Variants in INHBA observed in about 807,000 individuals in gnomAD.
INHBA encodes the protein inhibin beta A chain.
INHBA carries 1 observed loss-of-function variant against 29.0 expected under a neutral mutation model. The ratio of observed to expected loss-of-function variants is 0.03; its 90% CI spans 0.01 to 0.16. The LOEUF (loss-of-function observed/expected upper bound fraction) is 0.16. Among genes scored for constraint, INHBA ranks in the 10% least tolerant of loss-of-function variants. The pLI is 1.00. For missense variants in INHBA, 376 were observed against 545.4 expected (o/e 0.69, Z 3.09); for synonymous variants, 242 against 216.8 (o/e 1.12, Z -1.02).
upstream of INHBA, chr7:41,705,399 A>AT (rs1413417987): frequency 1.3e-5 from 2 of 152,148 alleles, no homozygotes; most frequent in Admixed American, 6.5e-5. Context: ...GGCAGCCTCT[A>AT]TTTTTACCCT....
At chr7:41,704,104 A>G (rs544793269), upstream of INHBA, among the ~76,000 whole-genome samples, 2 of 152,348 alleles carry the variant, frequency 1.3e-5, no homozygotes, top group East Asian at 3.9e-4. Flanking sequence ...AATGAGAGCC[A>G]TATGACCAGA....
chr7:41,686,773 A>G lies in INHBA; in HGVS notation c.*2877T>C, dbSNP rs1458797760. 1 of 152,186 alleles carries G rather than the reference A, an allele frequency of 6.6e-6. No individual in the cohort carries two copies. Among genetic ancestry groups the G allele is most frequent in the African/African-American group, 2.4e-5 (1 of 41,440 alleles). 9.4% of individuals were successfully genotyped at this position (152,186 alleles called of 1,614,324 possible). ...CCGATATGTCTAGGACTTAGCTTAA[A>G]AAGATAGCAGATGTATTTGAGATGA... On this transcript the variant is annotated 3_prime_UTR_variant, in exon 3 of 3. Coordinates refer to ENST00000242208, the MANE Select transcript of INHBA (RefSeq NM_002192.4).
chr7:41,694,573 C>T lies in INHBA; in HGVS notation c.389-4031G>A, dbSNP rs533803358. Among the ~76,000 whole-genome samples the T allele has an allele frequency of 1.6e-4, 25 of 152,290 alleles. 1 individual carries two copies. The highest frequency in any genetic ancestry group is 5.1e-4 in the African/African-American group (21 of 41,564). ...TGCGACCTAGGTTCCTGCACTATTA[C>T]CTAGCTAACCAGATATAGCTGGTTG... On this transcript the variant is annotated intron_variant, in intron 2 of 2. Coordinates refer to ENST00000242208, the MANE Select transcript of INHBA (RefSeq NM_002192.4).
chr7:41,700,364 A>T lies in INHBA; in HGVS notation c.11T>A (p.Leu4His). 1 of 1,471,412 alleles carries T rather than the reference A, an allele frequency of 6.8e-7. No individual in the cohort carries two copies. Among genetic ancestry groups the T allele is most frequent in the Admixed American group, 2.3e-5 (1 of 44,136 alleles). The allele number at this position is 1,471,412 out of a possible 1,614,324, so 91.1% of individuals were successfully genotyped here. Residue 4 changes from leucine (L) to histidine (H), a missense_variant, in exon 2 of 3, where the codon CTT (leucine) becomes CAT (histidine). Leu to His is a moderately conservative substitution (Grantham distance 99). Around this residue, in one of 4 missense-constraint regions of INHBA, gnomAD observed 71 missense variants for 77.0 expected, o/e 0.92. Transcript: ENST00000242208. ...TGCCAACAGAAATCCTCTCAGCCAA[A>T]GCAAGGGCATCCTGGCAGCAAAAGT... MPL[L>H]WLRGFLLASC... is the part of the protein sequence containing the mutation.
intron 2 of INHBA, among the ~76,000 whole-genome samples, chr7:41,697,029 G>C (rs1372400210): frequency 6.6e-6 from 1 of 152,060 alleles, no homozygotes; most frequent in African/African-American, 2.4e-5. Flanking sequence ...AGACTTAGAG[G>C]TACATTATTA....
chr7:41,692,719 C>A (rs1277527372), intron 2 of INHBA, among the ~76,000 whole-genome samples: 1 of 152,110 alleles, frequency 6.6e-6, no homozygotes, highest in East Asian at 1.9e-4. Flanking sequence ...GCAGAGAGAG[C>A]AGTTAGAGGG....
chr7:41,686,873 T>C lies in INHBA; in HGVS notation c.*2777A>G, dbSNP rs1794403722. On this transcript the variant is annotated 3_prime_UTR_variant, in exon 3 of 3. Transcript: ENST00000242208. ...CCATGGCCTTGACCATCTTTGCTAC[T>C]GCGCAGTGAACCAGGACTTAATTTC... 1 of 152,232 alleles carries C rather than the reference T, an allele frequency of 6.6e-6. No homozygotes were observed. Among genetic ancestry groups the C allele is most frequent in the South Asian group, 2.1e-4 (1 of 4,836 alleles). 9.4% of individuals were successfully genotyped at this position (152,232 alleles called of 1,614,324 possible).
rs1794409173 is a variant in INHBA at position 41,687,229 on chromosome 7, A to T, written c.*2421T>A. On this transcript the variant is annotated 3_prime_UTR_variant, in exon 3 of 3. Coordinates refer to ENST00000242208, the MANE Select transcript of INHBA (RefSeq NM_002192.4). ...CTTAGTATATTTTTCAAGGAGAGCT[A>T]AACCACCTTTTGTAATGTTTGGTTT... is the stretch of plus-strand genomic sequence containing the variant. 1.3e-5 allele frequency: 2 copies of T among 152,232 alleles called. No individual in the cohort carries two copies. The highest frequency in any genetic ancestry group is 1.5e-5 in the Non-Finnish European group (1 of 68,034). The allele number at this position is 152,232 out of a possible 1,614,324, so 9.4% of individuals were successfully genotyped here.
chr7:41,697,621 C>A (rs1201697558), intron 2 of INHBA, among the ~76,000 whole-genome samples: 2 of 152,224 alleles, frequency 1.3e-5, no homozygotes, highest in Non-Finnish European at 1.5e-5. Context: ...TTCTATGCTG[C>A]ACAAAATGGT....
At position 41,689,318 on chromosome 7, in the gene INHBA, A is replaced by AG. The variant is rs1016627820; in HGVS notation, c.*331dup. The AG allele has an allele frequency of 3.4e-4, 95 of 280,908 alleles. No individual in the cohort carries two copies. The East Asian group carries it at 4.8e-3, about 14-fold the overall frequency. The allele number at this position is 280,908 out of a possible 1,614,324, so 17.4% of individuals were successfully genotyped here. A position where few individuals can be genotyped will look rare whatever the true frequency, so the allele number is the denominator to read the frequency against. On this transcript the variant is annotated 3_prime_UTR_variant, in exon 3 of 3. Coordinates refer to ENST00000242208, the MANE Select transcript of INHBA (RefSeq NM_002192.4). ...ATTCAAGGCTCACAAGGGAACCTCA[A>AG]GGGGGGAAAGGACAATACCCCGTTT...
chr7:41,703,789 AC>A (rs1262774608), upstream of INHBA, among the ~76,000 whole-genome samples: 2 of 150,650 alleles, frequency 1.3e-5, no homozygotes, highest in African/African-American at 4.9e-5. Context: ...ACACACACAC[AC>A]ACAACAACAA....
chr7:41,694,105 CTAT>C (rs1794582981), intron 2 of INHBA: 2 of 152,138 alleles, frequency 1.3e-5, no homozygotes, highest in South Asian at 4.1e-4. Flanking sequence ...TTTACAAGTT[CTAT>C]TGTATTCTGA....
Position 41,689,321 on chromosome 7 carries a change from G to T in INHBA, c.*329C>A. 3.5e-6 allele frequency: 1 copy of T among 282,978 alleles called. No individual in the cohort carries two copies. The highest frequency in any genetic ancestry group is 6.6e-6 in the Non-Finnish European group (1 of 152,020). 17.5% of individuals were successfully genotyped at this position (282,978 alleles called of 1,614,324 possible). ...CAAGGCTCACAAGGGAACCTCAAGGGGGGAAAGGACAATACCCCGTTTAAA... is the reference window on the plus strand; with the variant it reads ...CAAGGCTCACAAGGGAACCTCAAGGTGGGAAAGGACAATACCCCGTTTAAA... On this transcript the variant is annotated 3_prime_UTR_variant, in exon 3 of 3. Transcript: ENST00000242208.
chr7:41,696,791 G>C (rs1332036492), intron 2 of INHBA, among the ~76,000 whole-genome samples: 1 of 152,172 alleles, frequency 6.6e-6, no homozygotes, highest in South Asian at 2.1e-4. Context: ...TCCAAGCAAA[G>C]CTTCTTGGAT....
At chr7:41,701,401 A>C in intron 1 of INHBA, among the ~76,000 whole-genome samples, 1 of 152,050 alleles carries the variant, frequency 6.6e-6, no homozygotes, top group East Asian at 1.9e-4. Flanking sequence ...CCCCCAATTC[A>C]TTCATATTTA....
chr7:41,700,259 G>T lies in INHBA; in HGVS notation c.116C>A (p.Ala39Glu), dbSNP rs373520349. Reference sequence around the variant, plus strand: ...TACATCCTTTGGGAGGGCGGCCAGCGCACAGGACGGACAGTCGGGGGCCGC... The same window carrying T: ...TACATCCTTTGGGAGGGCGGCCAGCTCACAGGACGGACAGTCGGGGGCCGC... ...HSAAPDCPSC[A>E]LAALPKDVPN... Residue 39 changes from alanine (A) to glutamate (E), a missense_variant, in exon 2 of 3, where the codon GCG becomes GAG. By Grantham distance (107) the Ala-to-Glu change is moderately radical. Transcript: ENST00000242208. 2.5e-6 allele frequency: 4 copies of T among 1,609,212 alleles called. No individual in the cohort carries two copies. In the African/African-American group the frequency reaches 5.3e-5, roughly 22 times the overall value.
intron 2 of INHBA, chr7:41,691,944 A>G (rs1034136308): frequency 2.0e-5 from 3 of 152,210 alleles, no homozygotes; most frequent in African/African-American, 7.2e-5. Flanking sequence ...AACATATGTC[A>G]AATAGCAATC....
At chr7:41,697,279 T>G (rs1212863532) in intron 2 of INHBA, among the ~76,000 whole-genome samples, 3 of 152,170 alleles carry the variant, frequency 2.0e-5, no homozygotes, top group Non-Finnish European at 2.9e-5. Context: ...TGATGTGACA[T>G]ATATAAAAAT....
chr7:41,691,956 C>T (rs1794533460), intron 2 of INHBA: 1 of 152,214 alleles, frequency 6.6e-6, no homozygotes, highest in South Asian at 2.1e-4. Context: ...ATAGCAATCG[C>T]TGCTAATGGA....
Sources: gnomAD v4.1 joint callset for allele counts (sites outside exome capture counted in the v4.1 genomes callset) on GRCh38, gnomAD v4.1.1 for gene constraint, gnomAD v4.1.1 regional missense constraint, MANE v1.5 for transcripts, NCBI Gene and HGNC (gene_info 2026-07-23, HGNC 2026-07-21) for gene names.